The following WWOX variants were observed in gnomAD, a reference collection of about 807,000 sequenced individuals.
The protein encoded by WWOX is WW domain containing oxidoreductase, also known as WW domain-containing oxidoreductase.
WWOX carries 69 observed loss-of-function variants against 46.2 expected under a neutral mutation model. The observed-to-expected ratio is 1.49, with a 90% confidence interval of 1.23 to 1.82. The LOEUF is 1.82. WWOX is among the 40% of genes most tolerant of loss of function. The pLI, the probability that WWOX is intolerant of heterozygous loss-of-function variation, is 0.00. For missense variants in WWOX, 919 were observed against 542.6 expected (o/e 1.69, Z -6.89); for synonymous variants, 359 against 202.6 (o/e 1.77, Z -6.56).
At chr16:78,460,759 A>G (rs1050195392) in intron 8 of WWOX, among the ~76,000 whole-genome samples, 1 of 152,252 alleles carries the variant, frequency 6.6e-6, no homozygotes, top group Admixed American at 6.5e-5. Context: ...GGGATCCACA[A>G]GATGGAGTGA....
chr16:78,600,230 A>G (rs2045589063), intron 8 of WWOX, among the ~76,000 whole-genome samples: 1 of 151,968 alleles, frequency 6.6e-6, no homozygotes, highest in African/African-American at 2.4e-5. Flanking sequence ...ACACATGGGA[A>G]TTGTGGGAGC....
At chr16:79,036,556 C>T (rs16949326) in intron 8 of WWOX, among the ~76,000 whole-genome samples, 10,138 of 152,198 alleles carry the variant, frequency 0.067, 442 homozygotes, top group African/African-American at 0.13. Flanking sequence ...CCTGAATTAT[C>T]GGAGCTCTTG....
chr16:79,012,536 C>T (rs1166673573), intron 8 of WWOX, among the ~76,000 whole-genome samples: 1 of 152,136 alleles, frequency 6.6e-6, no homozygotes, highest in Non-Finnish European at 1.5e-5. Flanking sequence ...CGCAGACGGA[C>T]ATATGAATTT....
intron 8 of WWOX, among the ~76,000 whole-genome samples, chr16:78,849,584 A>C (rs1042671546): frequency 6.6e-6 from 1 of 150,996 alleles, no homozygotes; most frequent in Non-Finnish European, 1.5e-5. Context: ...AAAAAAAAAA[A>C]AAAAAAAAGA....
At chr16:78,125,151 A>G (rs1182135756) in intron 4 of WWOX, among the ~76,000 whole-genome samples, 1 of 152,218 alleles carries the variant, frequency 6.6e-6, no homozygotes, top group Admixed American at 6.5e-5. Context: ...TTACATTGAT[A>G]GCCGTTTAAA....
chr16:78,270,871 C>T (rs948097711), intron 5 of WWOX, among the ~76,000 whole-genome samples: 6 of 152,106 alleles, frequency 3.9e-5, no homozygotes, highest in Non-Finnish European at 7.4e-5. Context: ...AGAGACGATA[C>T]GTGGCCCGAA....
chr16:78,721,946 C>G (rs945208255), intron 8 of WWOX, among the ~76,000 whole-genome samples: 1 of 152,228 alleles, frequency 6.6e-6, no homozygotes, highest in Non-Finnish European at 1.5e-5. Context: ...CTTTCCTTTG[C>G]TACTTTTTGC....
chr16:78,745,691 C>T (rs371081240), intron 8 of WWOX, among the ~76,000 whole-genome samples: 3 of 150,710 alleles, frequency 2.0e-5, no homozygotes, highest in South Asian at 2.1e-4. Flanking sequence ...TAGACATCCA[C>T]CCCCTCACTG....
At chr16:78,195,627 G>A (rs1937297106) in intron 5 of WWOX, among the ~76,000 whole-genome samples, 1 of 152,000 alleles carries the variant, frequency 6.6e-6, no homozygotes, top group Non-Finnish European at 1.5e-5. Context: ...TTTGAGACCA[G>A]CCTGAGCAAC....
chr16:78,526,903 G>A lies in WWOX; in HGVS notation c.1056+94151G>A, dbSNP rs531272145. On this transcript the variant is annotated intron_variant, in intron 8 of 8. Coordinates refer to ENST00000566780, the MANE Select transcript of WWOX (RefSeq NM_016373.4). The stretch of plus-strand genomic sequence containing the variant: ...AGCGAGGGCAGGTGCAATGGCTCAC[G>A]CCTATAATCCCAGCACTTTGGGAGG... Among the ~76,000 whole-genome samples the A allele has an allele frequency of 3.3e-5, 5 of 152,256 alleles. No individual in the cohort carries two copies. The South Asian group carries it at 6.2e-4, about 19-fold the overall frequency.
chr16:78,801,526 T>A (rs1178115603), intron 8 of WWOX, among the ~76,000 whole-genome samples: 13 of 152,142 alleles, frequency 8.5e-5, no homozygotes, highest in Non-Finnish European at 1.9e-4. Context: ...AAGAAACCCT[T>A]GCTATTTTAG....
At chr16:78,352,740 A>G (rs953488188) in intron 5 of WWOX, among the ~76,000 whole-genome samples, 2 of 152,220 alleles carry the variant, frequency 1.3e-5, no homozygotes, top group African/African-American at 2.4e-5. Context: ...GGTAGAGGGC[A>G]TTCCACATAC....
chr16:78,965,763 A>G (rs974407584), intron 8 of WWOX, among the ~76,000 whole-genome samples: 4 of 152,134 alleles, frequency 2.6e-5, no homozygotes, highest in Non-Finnish European at 2.9e-5. Context: ...CTGCACACAC[A>G]ATCTTTTCTC....
At chr16:78,888,306 G>T (rs1391793504) in intron 8 of WWOX, among the ~76,000 whole-genome samples, 1 of 152,224 alleles carries the variant, frequency 6.6e-6, no homozygotes, top group East Asian at 1.9e-4. Flanking sequence ...ACAGTGAGGA[G>T]AAAGCTTTCC....
At chr16:79,140,503 G>C (rs746609259) in intron 8 of WWOX, among the ~76,000 whole-genome samples, 17 of 152,154 alleles carry the variant, frequency 1.1e-4, no homozygotes, top group Non-Finnish European at 2.2e-4. Flanking sequence ...TAGATTCCTT[G>C]TCTCTGGAAA....
At chr16:78,727,063 G>T (rs1392745219) in intron 8 of WWOX, among the ~76,000 whole-genome samples, 1 of 152,152 alleles carries the variant, frequency 6.6e-6, no homozygotes, top group Non-Finnish European at 1.5e-5. Context: ...GCCAGTCCCA[G>T]TGCCCTTGGC....
Position 78,935,407 on chromosome 16 carries a change from T to C in WWOX, c.1057-276201T>C, listed in dbSNP as rs181116892. On this transcript the variant is annotated intron_variant, in intron 8 of 8. Coordinates refer to ENST00000566780, the MANE Select transcript of WWOX (RefSeq NM_016373.4). ...AAGAAAATGTGGCACATATACACCA[T>C]GGAATACTACACAGCCATAAAAAAA... Among the ~76,000 whole-genome samples, 120 of 152,166 alleles carry C rather than the reference T, an allele frequency of 7.9e-4. 1 individual carries two copies. In the Middle Eastern group the frequency reaches 0.01, roughly 13 times the overall value.
chr16:79,139,774 G>A (rs955650280), intron 8 of WWOX, among the ~76,000 whole-genome samples: 1 of 152,148 alleles, frequency 6.6e-6, no homozygotes, highest in African/African-American at 2.4e-5. Context: ...CAATAAAAGA[G>A]GCAGAAAGGG....
chr16:78,356,865 G>C (rs1041732965), intron 5 of WWOX, among the ~76,000 whole-genome samples: 1 of 152,136 alleles, frequency 6.6e-6, no homozygotes, highest in Non-Finnish European at 1.5e-5. Context: ...CTGGCAGACA[G>C]AGTGAGACTC....
Sources: allele counts gnomAD v4.1 joint callset (sites outside exome capture counted in the v4.1 genomes callset), GRCh38; gene constraint gnomAD v4.1.1; transcripts MANE v1.5; gene names NCBI Gene and HGNC (gene_info 2026-07-23, HGNC 2026-07-21).